The following HARBI1 variants were observed in gnomAD, a reference collection of about 807,000 sequenced individuals.
The protein encoded by HARBI1 is harbinger transposase derived 1, also known as putative nuclease HARBI1.
In HARBI1, 15 loss-of-function variants were observed where a neutral mutation model predicts 25.3. The ratio of observed to expected loss-of-function variants is 0.59; its 90% CI spans 0.40 to 0.91. The LOEUF is 0.91. Ranked by LOEUF, HARBI1 falls within the 40% of genes least tolerant of loss-of-function variation. HARBI1 has a pLI of 0.00. For synonymous variants in HARBI1, 168 were observed against 160.5 expected (o/e 1.05, Z -0.35); for missense variants, 396 against 445.8 (o/e 0.89, Z 1.01).
At position 46,603,430 on chromosome 11, in the gene HARBI1, G is replaced by T; in HGVS notation, c.*100C>A. 1 of 1,041,204 alleles carries T rather than the reference G, an allele frequency of 9.6e-7. No homozygotes were observed. The highest frequency in any genetic ancestry group is 1.4e-6 in the Non-Finnish European group (1 of 704,222). The allele number at this position is 1,041,204 out of a possible 1,614,324, so 64.5% of individuals were successfully genotyped here. Reference sequence around the variant, plus strand: ...AAATGTCAGTTTATGACAAGTATCTGTATACTCAGTCATGCTAGATGATGG... The same window carrying T: ...AAATGTCAGTTTATGACAAGTATCTTTATACTCAGTCATGCTAGATGATGG... On this transcript the variant is annotated 3_prime_UTR_variant, in exon 3 of 3. Coordinates refer to ENST00000326737, the MANE Select transcript of HARBI1 (RefSeq NM_173811.4).
intron 1 of HARBI1, chr11:46,616,665 G>A: frequency 1.0e-6 from 1 of 1,002,082 alleles, no homozygotes; most frequent in Admixed American, 5.3e-5. Context: ...CAAGGTAAAA[G>A]AGGTCGGCTT....
At chr11:46,610,641 A>G (rs1591248070) in intron 2 of HARBI1, among the ~76,000 whole-genome samples, 1 of 152,198 alleles carries the variant, frequency 6.6e-6, no homozygotes, top group East Asian at 1.9e-4. Context: ...GCTGGGCGAC[A>G]GAGCGAGACT....
chr11:46,608,386 A>G (rs916144377), intron 2 of HARBI1, among the ~76,000 whole-genome samples: 1 of 152,202 alleles, frequency 6.6e-6, no homozygotes, highest in Non-Finnish European at 1.5e-5. Context: ...AATCCTGCCA[A>G]TCTTCCCATA....
chr11:46,609,082 C>A (rs980905593), intron 2 of HARBI1, among the ~76,000 whole-genome samples: 1 of 151,902 alleles, frequency 6.6e-6, no homozygotes, highest in Non-Finnish European at 1.5e-5. Flanking sequence ...TGCCACCACA[C>A]CTGGCTAATT....
chr11:46,615,910 C>T lies in HARBI1; in HGVS notation c.328G>A (p.Ala110Thr), dbSNP rs1565356691. 2 of 1,614,198 alleles carry T rather than the reference C, an allele frequency of 1.2e-6. No homozygotes were observed. Among genetic ancestry groups the T allele is most frequent in the Non-Finnish European group, 1.7e-6 (2 of 1,180,050 alleles). The change falls in exon 2 of 3, where the codon GCA becomes ACA. Residue 110 changes from alanine to threonine, a missense_variant. By Grantham distance (58) the Ala-to-Thr change is moderately conservative. Coordinates refer to ENST00000326737, the MANE Select transcript of HARBI1 (RefSeq NM_173811.4). Reference protein sequence around the residue: ...MSRCVANVTEALVERASQFIR... With the variant: ...MSRCVANVTETLVERASQFIR... ...AACTGTGAGGCCCTTTCCACAAGTG[C>T]TTCAGTGACATTGGCAACACAACGA...
intron 2 of HARBI1, among the ~76,000 whole-genome samples, chr11:46,610,346 A>T (rs888865071): frequency 1.1e-4 from 16 of 144,802 alleles, no homozygotes; most frequent in East Asian, 4.0e-4. Flanking sequence ...GTATGTATAT[A>T]ATATATATAT....
At chr11:46,616,493 C>G (rs2045484351) in intron 1 of HARBI1, 112 bp from the exon 2 acceptor site, 1 of 1,308,700 alleles carries the variant, frequency 7.6e-7, no homozygotes, top group Non-Finnish European at 9.7e-7. Flanking sequence ...GCAAAACGTA[C>G]TGTACTTACA....
At chr11:46,617,017 C>G (rs2045583785) in intron 1 of HARBI1, 107 bp downstream of exon 1, 1 of 985,116 alleles carries the variant, frequency 1.0e-6, no homozygotes. Context: ...AGAGGCTGGC[C>G]GAACCAGGTT....
intron 2 of HARBI1, among the ~76,000 whole-genome samples, chr11:46,613,241 T>C (rs1330819681): frequency 6.6e-6 from 1 of 152,016 alleles, no homozygotes; most frequent in African/African-American, 2.4e-5. Flanking sequence ...CGCCTTGGTC[T>C]CCTGAAGTGC....
At chr11:46,606,408 G>A (rs985680976) in intron 2 of HARBI1, among the ~76,000 whole-genome samples, 1 of 151,672 alleles carries the variant, frequency 6.6e-6, no homozygotes, top group African/African-American at 2.4e-5. Context: ...TGCCTCCCGG[G>A]TTGAAGCTAT....
chr11:46,615,568 C>A lies in HARBI1; in HGVS notation c.670G>T (p.Gly224Cys). The change falls in exon 2 of 3, where the codon GGT (glycine) becomes TGT (cysteine). Residue 224 changes from glycine to cysteine, a missense_variant and splice_region_variant. Gly to Cys is a radical substitution (Grantham distance 159). Transcript: ENST00000326737. ...AGMHKDSWLL[G>C]DSSFFLRTWL... The stretch of plus-strand genomic sequence containing the variant: ...TGAAAATTCACACTTGCAAACTTAC[C>A]CAGAAGCCAGCTATCTTTGTGCATA... 6.2e-7 allele frequency: 1 copy of A among 1,610,590 alleles called. No homozygotes were observed. Among genetic ancestry groups the A allele is most frequent in the South Asian group, 1.1e-5 (1 of 90,924 alleles).
chr11:46,613,479 C>CCT (rs772393181), intron 2 of HARBI1, among the ~76,000 whole-genome samples: 7 of 115,186 alleles, frequency 6.1e-5, no homozygotes, highest in African/African-American at 2.4e-4. Flanking sequence ...AGTATGTTGG[C>CCT]TTTTTTTTTT....
intron 2 of HARBI1, among the ~76,000 whole-genome samples, chr11:46,608,114 C>A (rs1287895772): frequency 1.3e-5 from 2 of 152,070 alleles, no homozygotes; most frequent in Non-Finnish European, 2.9e-5. Context: ...GCCTGACCAA[C>A]GTGGTGAAGC....
Position 46,603,448 on chromosome 11 carries a change from G to T in HARBI1, c.*82C>A. ...AGTATCTGTATACTCAGTCATGCTA[G>T]ATGATGGAACTGTGTAAAAGGTGAT... On this transcript the variant is annotated 3_prime_UTR_variant, in exon 3 of 3. Coordinates refer to ENST00000326737, the MANE Select transcript of HARBI1 (RefSeq NM_173811.4). 8.3e-7 allele frequency: 1 copy of T among 1,201,512 alleles called. No individual in the cohort carries two copies. The highest frequency in any genetic ancestry group is 1.2e-6 in the Non-Finnish European group (1 of 847,964). 74.4% of individuals were successfully genotyped at this position (1,201,512 alleles called of 1,614,324 possible).
intron 2 of HARBI1, among the ~76,000 whole-genome samples, chr11:46,609,417 G>A (rs748498060): frequency 5.3e-5 from 8 of 151,508 alleles, no homozygotes; most frequent in Non-Finnish European, 7.4e-5. Context: ...CAGGATCTCC[G>A]CCCACTGCAA....
rs368892119 is a variant in HARBI1, at chr11:46,616,332, A to AT, written c.-96dup. 5 of 1,506,542 alleles carry AT rather than the reference A, an allele frequency of 3.3e-6. No individual in the cohort carries two copies. The African/African-American group carries it at 6.9e-5, about 21-fold the overall frequency. 93.3% of individuals were successfully genotyped at this position (1,506,542 alleles called of 1,614,324 possible). On this transcript the variant is annotated 5_prime_UTR_variant, in exon 2 of 3. Coordinates refer to ENST00000326737, the MANE Select transcript of HARBI1 (RefSeq NM_173811.4). ...AACGTATTTTTAAGAAAGTATCAGAATCCAACAGCTAACCACAGTTAAATG... is the reference window on the plus strand; with the variant it reads ...AACGTATTTTTAAGAAAGTATCAGAATTCCAACAGCTAACCACAGTTAAATG...
intron 2 of HARBI1, chr11:46,604,481 A>T (rs944752522): frequency 2.1e-6 from 2 of 969,422 alleles, no homozygotes; most frequent in Admixed American, 6.2e-5. Context: ...AACCAAATAA[A>T]ATCAAATAGC....
chr11:46,611,451 C>T (rs927740726), intron 2 of HARBI1, among the ~76,000 whole-genome samples: 2 of 152,052 alleles, frequency 1.3e-5, no homozygotes, highest in Non-Finnish European at 2.9e-5. Context: ...TAGCTCATGC[C>T]TGTAATTCCA....
intron 2 of HARBI1, among the ~76,000 whole-genome samples, chr11:46,610,432 G>A (rs945325205): frequency 2.6e-5 from 4 of 151,680 alleles, no homozygotes; most frequent in South Asian, 2.1e-4. Flanking sequence ...AGGCCAAGGC[G>A]GGCGGATCAA....
Sources: gnomAD v4.1 joint callset for allele counts (sites outside exome capture counted in the v4.1 genomes callset) on GRCh38, gnomAD v4.1.1 for gene constraint, MANE v1.5 for transcripts, NCBI Gene and HGNC (gene_info 2026-07-23, HGNC 2026-07-21) for gene names.